STK32A: variants seen among roughly 807,000 people sequenced by gnomAD.
STK32A encodes serine/threonine kinase 32A, also known as serine/threonine-protein kinase 32A.
In STK32A, 41 loss-of-function variants were observed where a neutral mutation model predicts 53.2. The ratio of observed to expected loss-of-function variants is 0.77; its 90% CI spans 0.60 to 1.00. The LOEUF (loss-of-function observed/expected upper bound fraction) is 1.00. Among genes scored for constraint, STK32A ranks in the 50% least tolerant of loss-of-function variants. The pLI is 0.00. For synonymous variants in STK32A, 166 were observed against 162.8 expected (o/e 1.02, Z -0.15); for missense variants, 458 against 485.8 (o/e 0.94, Z 0.54).
At chr5:147,393,995 T>A in the STK32A span, 1 of 1,602,256 alleles carries the variant, frequency 6.2e-7, no homozygotes. Context: ...TTCAAAACAA[T>A]CTCTTCTTGC....
intron 2 of STK32A, among the ~76,000 whole-genome samples, chr5:147,256,668 T>C (rs1280863937): frequency 6.6e-6 from 1 of 152,062 alleles, no homozygotes; most frequent in Non-Finnish European, 1.5e-5. Context: ...TGCACCACCA[T>C]GCCTGGCTAA....
In STK32A at chr5:147,303,038, C is replaced by G. The variant is rs536702169; in HGVS notation, c.261-20860C>G. ...TTAGAGGAATCTATACAAATTAGAG[C>G]TAGTAAGGATATAAAAGATCATTTT... On this transcript the variant is annotated intron_variant, in intron 4 of 12. Transcript: ENST00000397936. Among the ~76,000 whole-genome samples, 13 of 152,176 alleles carry G rather than the reference C, an allele frequency of 8.5e-5. 1 individual carries two copies. In the South Asian group the frequency reaches 2.7e-3, roughly 32 times the overall value.
At chr5:147,280,656 A>G (rs1752022049) in intron 4 of STK32A, among the ~76,000 whole-genome samples, 1 of 150,658 alleles carries the variant, frequency 6.6e-6, no homozygotes, top group South Asian at 2.1e-4. Context: ...AAGGAGTCTG[A>G]GCTCAGAGAC....
intron 2 of STK32A, among the ~76,000 whole-genome samples, chr5:147,254,078 T>C (rs1754117850): frequency 6.6e-6 from 1 of 152,162 alleles, no homozygotes; most frequent in Non-Finnish European, 1.5e-5. Context: ...TGTGTCTGTG[T>C]GCAAATTTTC....
intron 2 of STK32A, among the ~76,000 whole-genome samples, chr5:147,253,635 C>T (rs1440559515): frequency 2.6e-5 from 4 of 152,138 alleles, no homozygotes; most frequent in South Asian, 2.1e-4. Flanking sequence ...GGATTACAGG[C>T]ATAAGCCACC....
chr5:147,247,813 T>C (rs1753819668), intron 2 of STK32A, among the ~76,000 whole-genome samples: 1 of 152,206 alleles, frequency 6.6e-6, no homozygotes, highest in African/African-American at 2.4e-5. Flanking sequence ...TTTGATTTTT[T>C]TCCAATCAAT....
intron 3 of STK32A, among the ~76,000 whole-genome samples, chr5:147,278,609 A>G (rs1751886389): frequency 6.6e-6 from 1 of 152,192 alleles, no homozygotes; most frequent in Non-Finnish European, 1.5e-5. Flanking sequence ...TTTTATCTTA[A>G]GAAAAATACA....
chr5:147,263,296 G>A (rs6869912), intron 2 of STK32A, among the ~76,000 whole-genome samples: 78,788 of 151,826 alleles, frequency 0.52, 20,839 homozygotes, highest in African/African-American at 0.6. Flanking sequence ...CATCCAGGCC[G>A]CAGCTAGAAG....
intron 4 of STK32A, among the ~76,000 whole-genome samples, chr5:147,319,975 C>T (rs538027701): frequency 7.8e-4 from 119 of 152,160 alleles, no homozygotes; most frequent in South Asian, 6.4e-3. Context: ...CAGCCCATAA[C>T]GAGAAATAAT....
At chr5:147,343,394 C>T (rs1755535549) in intron 6 of STK32A, 1 of 368,290 alleles carries the variant, frequency 2.7e-6, no homozygotes, top group Non-Finnish European at 5.1e-6. Context: ...AGGCCTCAAG[C>T]TGAGAGCATT....
chr5:147,350,396 C>G (rs985374665), intron 6 of STK32A, among the ~76,000 whole-genome samples: 2 of 151,728 alleles, frequency 1.3e-5, no homozygotes, highest in South Asian at 2.1e-4. Context: ...TAGTCTCACT[C>G]TGTCACCCAG....
At chr5:147,361,369 C>T (rs1315696147) in intron 7 of STK32A, 148 bp from the exon 8 acceptor site, 13 of 665,902 alleles carry the variant, frequency 2.0e-5, no homozygotes, top group Non-Finnish European at 3.5e-5. Flanking sequence ...TGTTTGCCTG[C>T]TGTGAGCAAT....
intron 5 of STK32A, among the ~76,000 whole-genome samples, chr5:147,341,649 A>G (rs1755417741): frequency 6.6e-6 from 1 of 152,036 alleles, no homozygotes; most frequent in African/African-American, 2.4e-5. Flanking sequence ...GCCTGGCAAG[A>G]ATTTTTTTTT....
intron 5 of STK32A, among the ~76,000 whole-genome samples, chr5:147,339,187 G>A (rs1164960800): frequency 2.6e-5 from 4 of 151,074 alleles, no homozygotes; most frequent in Admixed American, 1.3e-4. Context: ...TGCTGCTTTC[G>A]TAGTCTCAGG....
At chr5:147,280,102 GC>G (rs1751982315) in intron 4 of STK32A, among the ~76,000 whole-genome samples, 1 of 152,152 alleles carries the variant, frequency 6.6e-6, no homozygotes, top group African/African-American at 2.4e-5. Flanking sequence ...CAGCAGAAAG[GC>G]CCTGGGAGCT....
rs142711012 is a variant in STK32A at position 147,280,714 on chromosome 5, C to T, written c.260+1316C>T. 8.7e-3 allele frequency among the ~76,000 whole-genome samples: 1,318 copies of T among 152,016 alleles called. 8 individuals carry two copies. Among genetic ancestry groups the T allele is most frequent in the Non-Finnish European group, 0.014 (937 of 67,970 alleles). On this transcript the variant is annotated intron_variant, in intron 4 of 12. Transcript: ENST00000397936. The stretch of plus-strand genomic sequence containing the variant: ...TGGTCCTTCCTACTCACTCTGGTAT[C>T]GGAAAACAAAGGGCATATAATCTTG...
intron 4 of STK32A, among the ~76,000 whole-genome samples, chr5:147,301,215 A>G (rs1329128810): frequency 6.6e-6 from 1 of 152,210 alleles, no homozygotes; most frequent in Non-Finnish European, 1.5e-5. Flanking sequence ...ACTCTCAGAA[A>G]GAATAGATGA....
chr5:147,313,112 G>A (rs1753786640), intron 4 of STK32A, among the ~76,000 whole-genome samples: 1 of 151,144 alleles, frequency 6.6e-6, no homozygotes, highest in Admixed American at 6.6e-5. Flanking sequence ...GTACATGCCT[G>A]TAGTCTCAGC....
Position 147,361,523 on chromosome 5 carries a change from A to C in STK32A, c.569A>C (p.Glu190Ala), listed in dbSNP as rs1241860889. ...MAGTKPYMAP[E>A]MFSSRKGAGY... ...AATTTTTCGTGTTTTTCAGCACCTG[A>C]GATGTTCAGCTCCAGAAAAGGAGCA... The change falls in exon 8 of 13, where the codon GAG (glutamate) becomes GCG (alanine). Residue 190 changes from glutamate to alanine, a missense_variant. Transcript: ENST00000397936. The C allele has an allele frequency of 6.2e-7, 1 of 1,611,612 alleles. No individual in the cohort carries two copies. Among genetic ancestry groups the C allele is most frequent in the African/African-American group, 1.3e-5 (1 of 74,868 alleles).
Sources: gnomAD v4.1 joint callset for allele counts (sites outside exome capture counted in the v4.1 genomes callset) on GRCh38, gnomAD v4.1.1 for gene constraint, MANE v1.5 for transcripts, NCBI Gene and HGNC (gene_info 2026-07-23, HGNC 2026-07-21) for gene names.